RNF24: variants seen among roughly 807,000 people sequenced by gnomAD.
RNF24 encodes the protein ring finger protein 24.
A neutral mutation model predicts 20.0 loss-of-function variants in RNF24; 14 were observed. The observed-to-expected ratio is 0.70, with a 90% CI of 0.46 to 1.10. The LOEUF is 1.10. Ranked by LOEUF, RNF24 falls within the 50% of genes least tolerant of loss-of-function variation. The probability of loss-of-function intolerance (pLI) is 0.00; values close to 1 mark genes in which losing one functional copy is unlikely to be tolerated. For missense variants in RNF24, 124 were observed against 177.6 expected, an observed-to-expected ratio of 0.70 and a Z score of 1.71; for synonymous variants, 45 against 61.1, an observed-to-expected ratio of 0.74 and a Z score of 1.23.
chr20:3,945,828 GA>G (rs2091009881), intron 3 of RNF24, among the ~76,000 whole-genome samples: 1 of 151,880 alleles, frequency 6.6e-6, no homozygotes, highest in Non-Finnish European at 1.5e-5. Flanking sequence ...TACTATTTAA[GA>G]AAAAACTCTG....
At chr20:3,935,802 C>T (rs241607) in intron 4 of RNF24, among the ~76,000 whole-genome samples, 1 of 152,140 alleles carries the variant, frequency 6.6e-6, no homozygotes, top group East Asian at 1.9e-4. Context: ...CCCATTTTAC[C>T]GATGAGGAAA....
chr20:3,944,495 C>T (rs553169373), intron 4 of RNF24, among the ~76,000 whole-genome samples: 3 of 152,218 alleles, frequency 2.0e-5, no homozygotes, highest in Non-Finnish European at 4.4e-5. Context: ...CTTTTCAAGT[C>T]CTTGCTTTAA....
intron 4 of RNF24, among the ~76,000 whole-genome samples, chr20:3,940,416 GAA>G (rs35857615): frequency 1.4e-5 from 2 of 142,802 alleles, no homozygotes; most frequent in Non-Finnish European, 3.0e-5. Context: ...AAAAATTACT[GAA>G]AAAAAAAAAA....
At chr20:3,946,336 G>A (rs539608864) in intron 3 of RNF24, among the ~76,000 whole-genome samples, 74 of 152,150 alleles carry the variant, frequency 4.9e-4, no homozygotes, top group African/African-American at 1.7e-3. Flanking sequence ...GTGTGGTGGT[G>A]CACGCCTGTA....
intron 1 of RNF24, among the ~76,000 whole-genome samples, chr20:4,006,367 T>C (rs1981872421): frequency 1.7e-5 from 2 of 119,828 alleles, no homozygotes; most frequent in African/African-American, 5.5e-5. Flanking sequence ...AGTCTCTGTC[T>C]CAAAAAAAAA....
At position 3,934,959 on chromosome 20, in the gene RNF24, C is replaced by T. The variant is rs370965422; in HGVS notation, c.308+35G>A. 4.2e-5 allele frequency: 66 copies of T among 1,580,442 alleles called. No individual in the cohort carries two copies. In the Middle Eastern group the frequency reaches 1.7e-3, roughly 40 times the overall value. On this transcript the variant is annotated intron_variant, in intron 5 of 5. Transcript: ENST00000358395. This position sits in a 1 kb window ranked among gnomAD's most constrained non-coding sequence, Gnocchi z 4.0. ...GAAGTTGGTTGATGTGCCTCAAACTCGGGTCCCATTAAGTAATTCCATACC... is the reference window on the plus strand; with the variant it reads ...GAAGTTGGTTGATGTGCCTCAAACTTGGGTCCCATTAAGTAATTCCATACC...
At position 3,932,744 on chromosome 20, in the gene RNF24, G is replaced by A; in HGVS notation, c.*1319C>T. On this transcript the variant is annotated 3_prime_UTR_variant, in exon 6 of 6. Coordinates refer to ENST00000358395, the MANE Select transcript of RNF24 (RefSeq NM_001134337.3). ...GGCGCTCCTAAGATGGAGGGAGGCG[G>A]AGAGCAGGGCTGTGGAAAAGAATTT... 1 of 396,450 alleles carries A rather than the reference G, an allele frequency of 2.5e-6. No homozygotes were observed. The highest frequency in any genetic ancestry group is 4.4e-6 in the Non-Finnish European group (1 of 225,266). 24.6% of individuals were successfully genotyped at this position (396,450 alleles called of 1,614,324 possible). A position where few individuals can be genotyped will look rare whatever the true frequency, so the allele number is the denominator to read the frequency against.
rs1306847952 is a variant in RNF24, at chr20:3,933,401, G to C, written c.*662C>G. The stretch of plus-strand genomic sequence containing the variant: ...GGACGGGCCTTACTGGTGCATAGGA[G>C]AGGGAAATGATAAGAGGAAATGGCT... On this transcript the variant is annotated 3_prime_UTR_variant, in exon 6 of 6. Coordinates refer to ENST00000358395, the MANE Select transcript of RNF24 (RefSeq NM_001134337.3). 1 of 390,700 alleles carries C rather than the reference G, an allele frequency of 2.6e-6. No homozygotes were observed. The highest frequency in any genetic ancestry group is 4.4e-5 in the Admixed American group (1 of 22,500). The allele number at this position is 390,700 out of a possible 1,614,324, so 24.2% of individuals were successfully genotyped here.
chr20:3,983,773 T>A (rs113608276), intron 1 of RNF24, among the ~76,000 whole-genome samples: 17,622 of 151,710 alleles, frequency 0.12, 1,376 homozygotes, highest in Non-Finnish European at 0.17. Context: ...AAACCCTATC[T>A]CTATTAAAAA....
intron 1 of RNF24, among the ~76,000 whole-genome samples, chr20:4,004,941 C>T (rs985684641): frequency 1.3e-5 from 2 of 152,178 alleles, no homozygotes; most frequent in Non-Finnish European, 2.9e-5. Context: ...GATTCTGCCC[C>T]CTACCCCAAA....
chr20:3,996,652 C>T (rs1980890969), intron 1 of RNF24, among the ~76,000 whole-genome samples: 1 of 152,162 alleles, frequency 6.6e-6, no homozygotes, highest in Non-Finnish European at 1.5e-5. Context: ...CAGCTGTGCA[C>T]GGCCATATGT....
intron 1 of RNF24, among the ~76,000 whole-genome samples, chr20:4,008,376 A>ATAATATATATATG (rs1555803316): frequency 2.8e-5 from 1 of 35,640 alleles, no homozygotes; most frequent in African/African-American, 1.5e-4. Context: ...TATATTATAT[A>ATAATATATATATG]TATAATATAT....
chr20:3,994,356 T>C (rs946408042), intron 1 of RNF24, among the ~76,000 whole-genome samples: 1 of 152,190 alleles, frequency 6.6e-6, no homozygotes, highest in Non-Finnish European at 1.5e-5. Context: ...CAGTCAGTTA[T>C]AACTCCCCGG....
chr20:3,999,081 A>AAAAAC (rs1157031591), intron 1 of RNF24, among the ~76,000 whole-genome samples: 1 of 152,230 alleles, frequency 6.6e-6, no homozygotes. Context: ...CTCTGTCTCA[A>AAAAAC]AAAACAAAAC....
chr20:3,944,232 C>CAAAAAAAAAAAAAAA (rs2090991467), intron 4 of RNF24, among the ~76,000 whole-genome samples: 1 of 138,710 alleles, frequency 7.2e-6, no homozygotes. Flanking sequence ...AAAAAAAAAT[C>CAAAAAAAAAAAAAAA]AAACAGTAAT....
chr20:3,975,978 G>A (rs1355582768), intron 1 of RNF24, among the ~76,000 whole-genome samples: 2 of 152,046 alleles, frequency 1.3e-5, no homozygotes, highest in Non-Finnish European at 2.9e-5. Context: ...GTAGAGATGG[G>A]GTTTCACCGT....
At chr20:4,009,598 G>A (rs1982272309) in intron 1 of RNF24, among the ~76,000 whole-genome samples, 1 of 152,066 alleles carries the variant, frequency 6.6e-6, no homozygotes, top group Non-Finnish European at 1.5e-5. Context: ...GAACTATGAG[G>A]TCAGCTTATC....
chr20:3,944,471 A>G (rs577041362), intron 4 of RNF24, among the ~76,000 whole-genome samples: 1 of 152,354 alleles, frequency 6.6e-6, no homozygotes, highest in East Asian at 1.9e-4. Context: ...CGACACTGCT[A>G]TTACAACACA....
intron 4 of RNF24, among the ~76,000 whole-genome samples, chr20:3,940,570 T>C (rs1190220897): frequency 1.3e-5 from 2 of 152,132 alleles, no homozygotes; most frequent in African/African-American, 4.8e-5. Context: ...AAAAAACCTA[T>C]ATATTTATGA....
Sources: gnomAD v4.1 joint callset for allele counts (sites outside exome capture counted in the v4.1 genomes callset) on GRCh38, gnomAD v4.1.1 for gene constraint, Gnocchi (gnomAD v3.1) non-coding constraint, MANE v1.5 for transcripts, NCBI Gene and HGNC (gene_info 2026-07-23, HGNC 2026-07-21) for gene names.